Variants in DCT observed in about 807,000 individuals in gnomAD.
The protein encoded by DCT is L-dopachrome tautomerase.
In DCT, 47 loss-of-function variants were observed where a neutral mutation model predicts 53.0. The ratio of observed to expected loss-of-function variants is 0.89; its 90% confidence interval spans 0.70 to 1.13. DCT has a LOEUF of 1.13. Among genes scored for constraint, DCT ranks in the 50% most tolerant of loss-of-function variants. The pLI is 0.00. For synonymous variants in DCT, 244 were observed against 237.0 expected (o/e 1.03, Z -0.27); for missense variants, 669 against 637.4 (o/e 1.05, Z -0.53).
the DCT span, among the ~76,000 whole-genome samples, chr13:94,521,499 G>T: frequency 6.6e-6 from 1 of 152,222 alleles, no homozygotes; most frequent in African/African-American, 2.4e-5. Flanking sequence ...GTGAACCCCC[G>T]TCTTTGCTAA....
At chr13:94,448,034 G>A (rs1351229188) in intron 6 of DCT, among the ~76,000 whole-genome samples, 2 of 152,128 alleles carry the variant, frequency 1.3e-5, no homozygotes, top group Admixed American at 1.3e-4. Context: ...GATCACATGA[G>A]CCCAGGAGTT....
the DCT span, among the ~76,000 whole-genome samples, chr13:94,487,144 G>T: frequency 6.6e-6 from 1 of 152,188 alleles, no homozygotes; most frequent in African/African-American, 2.4e-5. Flanking sequence ...CAGAATCCAA[G>T]AGGGGATATC....
the DCT span, among the ~76,000 whole-genome samples, chr13:94,516,296 G>A: frequency 2.0e-5 from 3 of 152,060 alleles, no homozygotes; most frequent in African/African-American, 7.2e-5. Context: ...GGCTTGAGGA[G>A]GAAAGATACA....
the DCT span, among the ~76,000 whole-genome samples, chr13:94,514,967 G>A: frequency 0.35 from 53,594 of 152,046 alleles, 9,839 homozygotes; most frequent in East Asian, 0.61. Flanking sequence ...GGTATTAGGA[G>A]GTGAGGCCTT....
At chr13:94,541,328 A>G in the DCT span, among the ~76,000 whole-genome samples, 4 of 152,020 alleles carry the variant, frequency 2.6e-5, no homozygotes, top group Non-Finnish European at 5.9e-5. Flanking sequence ...ACATGCTGAA[A>G]CCACATCTCT....
chr13:94,478,445 C>A (rs906571486), intron 1 of DCT, among the ~76,000 whole-genome samples: 1 of 152,172 alleles, frequency 6.6e-6, no homozygotes, highest in East Asian at 1.9e-4. Context: ...CCATTGCACT[C>A]CAGCCACGGT....
At chr13:94,463,907 G>A (rs1883984099) in intron 4 of DCT, among the ~76,000 whole-genome samples, 1 of 152,188 alleles carries the variant, frequency 6.6e-6, no homozygotes, top group South Asian at 2.1e-4. Context: ...GTCCGGTGAA[G>A]TAAGAGTTCC....
the DCT span, among the ~76,000 whole-genome samples, chr13:94,546,350 T>C: frequency 6.6e-6 from 1 of 152,128 alleles, no homozygotes; most frequent in Admixed American, 6.5e-5. This position sits in a 1 kb window ranked among gnomAD's most constrained non-coding sequence, Gnocchi z 4.2. Context: ...CTGGTTCCTC[T>C]CCGTTAATCC....
At chr13:94,488,855 CACAT>C in the DCT span, among the ~76,000 whole-genome samples, 5 of 134,048 alleles carry the variant, frequency 3.7e-5, no homozygotes, top group South Asian at 2.3e-4. Flanking sequence ...CACATATGTA[CACAT>C]ACATACACAC....
the DCT span, among the ~76,000 whole-genome samples, chr13:94,533,667 C>T: frequency 6.6e-6 from 1 of 152,250 alleles, no homozygotes; most frequent in South Asian, 2.1e-4. Flanking sequence ...TGCCTCTAGT[C>T]CCAGCTACTT....
At position 94,479,266 on chromosome 13, in the gene DCT, T is replaced by G; in HGVS notation, c.-11A>C. 6.4e-7 allele frequency: 1 copy of G among 1,555,706 alleles called. No individual in the cohort carries two copies. Among genetic ancestry groups the G allele is most frequent in the Non-Finnish European group, 8.7e-7 (1 of 1,145,852 alleles). On this transcript the variant is annotated 5_prime_UTR_variant, in exon 1 of 8. Coordinates refer to ENST00000377028, the MANE Select transcript of DCT (RefSeq NM_001922.5). ...CCAAAGGGGGCTCATGGCTTTATAA[T>G]TGGGAGAGCTCTCTCTCTCTCTTAC...
At chr13:94,455,404 A>AGAGG (rs1236258514) in intron 6 of DCT, among the ~76,000 whole-genome samples, 1 of 151,800 alleles carries the variant, frequency 6.6e-6, no homozygotes, top group Non-Finnish European at 1.5e-5. Flanking sequence ...AGAGAGAGAG[A>AGAGG]GAGAGAGATT....
intron 3 of DCT, among the ~76,000 whole-genome samples, 189 bp from the exon 4 acceptor site, chr13:94,465,988 ATATATATATATATATATATATATATAT>A (rs1204360509): frequency 1.4e-4 from 3 of 21,866 alleles, no homozygotes; most frequent in Non-Finnish European, 2.6e-4. Flanking sequence ...ATATATATAT[ATATATATATATATATATATATATATAT>A]ATATATATAC....
At chr13:94,538,978 C>A in the DCT span, among the ~76,000 whole-genome samples, 2 of 152,288 alleles carry the variant, frequency 1.3e-5, no homozygotes, top group East Asian at 3.9e-4. Flanking sequence ...CACACCCCTC[C>A]AGCTATTCCA....
the DCT span, among the ~76,000 whole-genome samples, chr13:94,498,406 T>A: frequency 6.6e-6 from 1 of 152,170 alleles, no homozygotes; most frequent in Non-Finnish European, 1.5e-5. Flanking sequence ...CTAATCCCAA[T>A]GGGATAGCAT....
At chr13:94,441,036 T>C (rs2139268762) in intron 7 of DCT, among the ~76,000 whole-genome samples, 1 of 152,296 alleles carries the variant, frequency 6.6e-6, no homozygotes, top group Non-Finnish European at 1.5e-5. Context: ...AAAATTATAT[T>C]CTCCTTGGCC....
chr13:94,479,199 T>A lies in DCT; in HGVS notation c.57A>T (p.Pro19=). Reference sequence around the variant, plus strand: ...CTCGGGGGAACTGACCCTGGGCTCCTGGCAGGATTTTGCAGCCCAAGCAAC... The same window carrying A: ...CTCGGGGGAACTGACCCTGGGCTCCAGGCAGGATTTTGCAGCCCAAGCAAC... ...LLSCLGCKIL[P]GAQGQFPRVC... is the part of the protein sequence containing the mutation. The change falls in exon 1 of 8, where the codon CCA becomes CCT. Residue 19 remains proline (P), a synonymous_variant. Coordinates refer to ENST00000377028, the MANE Select transcript of DCT (RefSeq NM_001922.5). The A allele has an allele frequency of 6.2e-7, 1 of 1,608,958 alleles. No individual in the cohort carries two copies.
chr13:94,473,775 G>A (rs919507147), intron 1 of DCT, among the ~76,000 whole-genome samples: 3 of 152,168 alleles, frequency 2.0e-5, no homozygotes, highest in South Asian at 2.1e-4. Context: ...ATGGGAAGTG[G>A]GGGGGTAAAG....
intron 2 of DCT, chr13:94,466,923 G>A (rs1056978128): frequency 2.6e-5 from 6 of 234,926 alleles, no homozygotes; most frequent in Admixed American, 5.2e-5. Context: ...TGACTTTCAG[G>A]ATTGGGAGCC....
Sources: gnomAD v4.1 joint callset for allele counts (sites outside exome capture counted in the v4.1 genomes callset) on GRCh38, gnomAD v4.1.1 for gene constraint, Gnocchi (gnomAD v3.1) non-coding constraint, MANE v1.5 for transcripts, NCBI Gene and HGNC (gene_info 2026-07-23, HGNC 2026-07-21) for gene names.